The following CHEK1 variants were observed in gnomAD, a reference collection of about 807,000 sequenced individuals.
CHEK1 encodes serine/threonine-protein kinase Chk1.
A neutral mutation model predicts 60.2 loss-of-function variants in CHEK1; 32 were observed. The ratio of observed to expected loss-of-function variants is 0.53; its 90% CI spans 0.40 to 0.71. The LOEUF (loss-of-function observed/expected upper bound fraction) is 0.71, where lower values mean the gene tolerates loss of function less well. Among genes scored for constraint, CHEK1 ranks in the 30% least tolerant of loss-of-function variants. The pLI is 0.00. For synonymous variants in CHEK1, 179 were observed against 187.2 expected (o/e 0.96, Z 0.36); for missense variants, 399 against 564.6 (o/e 0.71, Z 2.97).
intron 5 of CHEK1, 112 bp downstream of exon 5, chr11:125,629,572 C>T (rs1940779482): frequency 5.4e-6 from 4 of 743,636 alleles, no homozygotes; most frequent in Non-Finnish European, 8.2e-6. Flanking sequence ...AGTCTTTTTG[C>T]ATTACTGGAA....
intron 6 of CHEK1, among the ~76,000 whole-genome samples, chr11:125,634,004 T>TTTG (rs1940968982): frequency 1.3e-5 from 2 of 149,652 alleles, no homozygotes; most frequent in South Asian, 2.1e-4. Flanking sequence ...TGTGGTTTTT[T>TTTG]TTTTTTTTTT....
At chr11:125,669,209 T>A (rs751635836) in intron 13 of CHEK1, among the ~76,000 whole-genome samples, 1 of 152,258 alleles carries the variant, frequency 6.6e-6, no homozygotes, top group Non-Finnish European at 1.5e-5. Context: ...GAAGTTCTTT[T>A]AGCTTGTGTG....
intron 13 of CHEK1, among the ~76,000 whole-genome samples, chr11:125,668,745 G>T (rs1033712591): frequency 6.6e-6 from 1 of 151,924 alleles, no homozygotes; most frequent in Non-Finnish European, 1.5e-5. Context: ...TTTTTAGAGA[G>T]GGGGTCTTGC....
At chr11:125,641,458 C>A (rs1941302367) in intron 8 of CHEK1, among the ~76,000 whole-genome samples, 1 of 152,178 alleles carries the variant, frequency 6.6e-6, no homozygotes, top group South Asian at 2.1e-4. Flanking sequence ...CTAAATAAAA[C>A]TATATGTTGA....
intron 6 of CHEK1, 139 bp from the exon 7 acceptor site, chr11:125,635,290 T>C: frequency 1.8e-6 from 1 of 547,038 alleles, no homozygotes; most frequent in Non-Finnish European, 3.2e-6. Flanking sequence ...GCCTCTAAAG[T>C]TTCCAAGTTG....
downstream of CHEK1, among the ~76,000 whole-genome samples, chr11:125,676,675 C>T (rs943733403): frequency 2.6e-5 from 4 of 152,056 alleles, no homozygotes; most frequent in Admixed American, 6.6e-5. Flanking sequence ...CATCTCTGAC[C>T]CTCATTGCTG....
At chr11:125,675,303 A>G (rs1018432378) in intron 13 of CHEK1, among the ~76,000 whole-genome samples, 1 of 152,108 alleles carries the variant, frequency 6.6e-6, no homozygotes, top group Non-Finnish European at 1.5e-5. Flanking sequence ...TCTGCACTTT[A>G]TATGTGCCTT....
chr11:125,650,217 A>G (rs969264754), intron 11 of CHEK1, among the ~76,000 whole-genome samples: 6 of 151,668 alleles, frequency 4.0e-5, no homozygotes, highest in Non-Finnish European at 5.9e-5. Flanking sequence ...TTGATGTGCC[A>G]CAGTTCTTAG....
At chr11:125,662,013 C>T (rs1219126531), downstream of CHEK1, among the ~76,000 whole-genome samples, 2 of 152,142 alleles carry the variant, frequency 1.3e-5, no homozygotes, top group African/African-American at 2.4e-5. Flanking sequence ...ACCAGAATTC[C>T]TCATGATACC....
chr11:125,644,209 A>C lies in CHEK1; in HGVS notation c.1042A>C (p.Thr348Pro), dbSNP rs374866866. The C allele has an allele frequency of 6.2e-7, 1 of 1,614,048 alleles. No homozygotes were observed. Residue 348 changes from threonine to proline, a missense_variant, in exon 10 of 13, where the codon ACA (threonine) becomes CCA (proline). Thr to Pro is a conservative substitution (Grantham distance 38). Around this residue, in one of 2 missense-constraint regions of CHEK1, gnomAD observed 370 missense variants for 494.8 expected, o/e 0.75. Transcript: ENST00000438015. ...ACAAGGGATCAGCTTTTCCCAGCCCACATGTCCTGATCATATGCTTTTGAA... is the reference window on the plus strand; with the variant it reads ...ACAAGGGATCAGCTTTTCCCAGCCCCCATGTCCTGATCATATGCTTTTGAA... ...LVQGISFSQPTCPDHMLLNSQ... is the reference protein window; with the variant it reads ...LVQGISFSQPPCPDHMLLNSQ...
At chr11:125,634,642 C>A (rs1940995834) in intron 6 of CHEK1, among the ~76,000 whole-genome samples, 1 of 143,752 alleles carries the variant, frequency 7.0e-6, no homozygotes, top group Non-Finnish European at 1.5e-5. Flanking sequence ...TCCGGGCACA[C>A]AAGCCCTTAT....
At chr11:125,670,017 G>A (rs1462243398) in intron 13 of CHEK1, among the ~76,000 whole-genome samples, 2 of 152,114 alleles carry the variant, frequency 1.3e-5, no homozygotes, top group Non-Finnish European at 2.9e-5. Context: ...ACAGTTCACT[G>A]AAGCTTTATT....
rs1159816356 is a variant in CHEK1, at chr11:125,633,143, C to CT, written c.425-13dup. Reference sequence around the variant, plus strand: ...GCAAAACATTTTTATTCAGTGTCATCTTTTTTTCTTTTGGTTTAGATAACC... The same window carrying CT: ...GCAAAACATTTTTATTCAGTGTCATCTTTTTTTTCTTTTGGTTTAGATAACC... On this transcript the variant is annotated intron_variant, in intron 5 of 12. Coordinates refer to ENST00000438015, the MANE Select transcript of CHEK1 (RefSeq NM_001114122.3). 1.3e-6 allele frequency: 2 copies of CT among 1,548,208 alleles called. No homozygotes were observed. Among genetic ancestry groups the CT allele is most frequent in the Admixed American group, 2.4e-5 (1 of 42,102 alleles).
intron 13 of CHEK1, chr11:125,672,698 C>T (rs890717192): frequency 6.2e-7 from 1 of 1,614,108 alleles, no homozygotes; most frequent in Non-Finnish European, 8.5e-7. Context: ...ACCCTTGAAC[C>T]ATGAATTGGA....
chr11:125,656,064 T>G lies in CHEK1; in HGVS notation c.*744T>G, dbSNP rs918927650. The G allele has an allele frequency of 4.7e-6, 1 of 212,220 alleles. No individual in the cohort carries two copies. Among genetic ancestry groups the G allele is most frequent in the Non-Finnish European group, 9.5e-6 (1 of 104,904 alleles). 13.1% of individuals were successfully genotyped at this position (212,220 alleles called of 1,614,324 possible). A position where few individuals can be genotyped will look rare whatever the true frequency, so the allele number is the denominator to read the frequency against. On this transcript the variant is annotated 3_prime_UTR_variant, in exon 13 of 13. Transcript: ENST00000438015. Reference sequence around the variant, plus strand: ...TTCAACTTACTGGTGACCAAGCTTTTAGGTGATAAAGAATAAAAGAGGGAA... The same window carrying G: ...TTCAACTTACTGGTGACCAAGCTTTGAGGTGATAAAGAATAAAAGAGGGAA...
At position 125,664,400 on chromosome 11, in the gene CHEK1, A is replaced by AT. The variant is rs1434629978; in HGVS notation, c.*27+9059dup. ...AGGCACCCGCCACTACGCCTGGCTA[A>AT]TTTTTTGTATTTTTAGTAGAGACAG... On this transcript the variant is annotated intron_variant, in intron 13 of 13. Transcript: ENST00000428830. Among the ~76,000 whole-genome samples, 7 of 151,712 alleles carry AT rather than the reference A, an allele frequency of 4.6e-5. No individual in the cohort carries two copies. In the East Asian group the frequency reaches 9.7e-4, roughly 21 times the overall value.
Position 125,643,793 on chromosome 11 carries a change from G to A in CHEK1, c.816G>A (p.Gly272=), listed in dbSNP as rs1462903790. Residue 272 remains glycine, a splice_region_variant and synonymous_variant, in exon 9 of 13, where the codon GGG becomes GGA. Transcript: ENST00000438015. ...ATTTGTATTTGTTTTCTTTTTTAGGGGCAAAAAGGCCCCGAGTCACTTCAG... is the reference window on the plus strand; with the variant it reads ...ATTTGTATTTGTTTTCTTTTTTAGGAGCAAAAAGGCCCCGAGTCACTTCAG... ...DRWYNKPLKK[G]AKRPRVTSGG... is the part of the protein sequence containing the mutation. The A allele has an allele frequency of 8.7e-6, 14 of 1,609,148 alleles. No individual in the cohort carries two copies. Among genetic ancestry groups the A allele is most frequent in the South Asian group, 3.3e-5 (3 of 89,800 alleles).
At position 125,655,434 on chromosome 11, in the gene CHEK1, T is replaced by C. The variant is rs1941877669; in HGVS notation, c.*114T>C. Reference sequence around the variant, plus strand: ...ACTGCAAATAGTAGTTCCTGAAGTGTTCACTTCCCTGTTTATCCAAACATC... The same window carrying C: ...ACTGCAAATAGTAGTTCCTGAAGTGCTCACTTCCCTGTTTATCCAAACATC... On this transcript the variant is annotated 3_prime_UTR_variant, in exon 13 of 13. Coordinates refer to ENST00000438015, the MANE Select transcript of CHEK1 (RefSeq NM_001114122.3). 5.0e-6 allele frequency: 3 copies of C among 604,380 alleles called. No individual in the cohort carries two copies. In the Admixed American group the frequency reaches 1.0e-4, roughly 21 times the overall value. 37.4% of individuals were successfully genotyped at this position (604,380 alleles called of 1,614,324 possible). A position where few individuals can be genotyped will look rare whatever the true frequency, so the allele number is the denominator to read the frequency against.
chr11:125,629,162 A>G, intron 3 of CHEK1, 70 bp from the exon 4 acceptor site: 2 of 1,456,948 alleles, frequency 1.4e-6, no homozygotes, highest in Non-Finnish European at 1.9e-6. Flanking sequence ...TCTAAGCTTC[A>G]AATTAAGAAG....
Sources: gnomAD v4.1 joint callset for allele counts (sites outside exome capture counted in the v4.1 genomes callset) on GRCh38, gnomAD v4.1.1 for gene constraint, gnomAD v4.1.1 regional missense constraint, MANE v1.5 for transcripts, NCBI Gene and HGNC (gene_info 2026-07-23, HGNC 2026-07-21) for gene names.